Variants in PTPRT observed in about 807,000 individuals in gnomAD.
PTPRT encodes the protein protein tyrosine phosphatase receptor type T.
Under a neutral mutation model 176.8 loss-of-function variants are expected in PTPRT, and 56 were observed. The observed-to-expected ratio is 0.32, with a 90% confidence interval of 0.26 to 0.40. PTPRT has a LOEUF of 0.40. PTPRT is among the 10% of genes least tolerant of loss of function. The probability of loss-of-function intolerance (pLI) is 1.00; values close to 1 mark genes in which losing one functional copy is unlikely to be tolerated. For synonymous variants in PTPRT, 783 were observed against 739.0 expected (o/e 1.06, Z -0.96); for missense variants, 1,540 against 1,908.2 (o/e 0.81, Z 3.60).
chr20:42,186,292 C>T (rs1356430323), intron 16 of PTPRT, among the ~76,000 whole-genome samples: 2 of 151,884 alleles, frequency 1.3e-5, no homozygotes, highest in Non-Finnish European at 2.9e-5. Flanking sequence ...AACAAATAAG[C>T]ATGGTTGTGT....
At chr20:42,617,371 G>C (rs1332613886) in intron 7 of PTPRT, among the ~76,000 whole-genome samples, 1 of 135,926 alleles carries the variant, frequency 7.4e-6, no homozygotes, top group Non-Finnish European at 1.5e-5. Flanking sequence ...TTGCCTCAAT[G>C]TTCATCAAGG....
intron 7 of PTPRT, among the ~76,000 whole-genome samples, chr20:42,603,889 T>C (rs1281174800): frequency 2.0e-5 from 3 of 152,152 alleles, no homozygotes; most frequent in African/African-American, 4.8e-5. Flanking sequence ...TCCATGCATA[T>C]CCAGCTCTTC....
intron 13 of PTPRT, among the ~76,000 whole-genome samples, chr20:42,252,934 C>T (rs952525039): frequency 2.0e-5 from 3 of 152,196 alleles, no homozygotes; most frequent in Non-Finnish European, 2.9e-5. Context: ...GATACAGGAA[C>T]GTGAACATTC....
chr20:42,368,307 C>A (rs2058542393), intron 9 of PTPRT, among the ~76,000 whole-genome samples: 1 of 152,180 alleles, frequency 6.6e-6, no homozygotes, highest in Non-Finnish European at 1.5e-5. Flanking sequence ...CCATCCCAAG[C>A]TAAATCTCAG....
chr20:42,931,645 G>A (rs1979854600), intron 1 of PTPRT, among the ~76,000 whole-genome samples: 1 of 152,216 alleles, frequency 6.6e-6, no homozygotes, highest in African/African-American at 2.4e-5. Context: ...GGAGACAAGA[G>A]AGGGAGCGGG....
At chr20:42,997,084 T>G (rs933129344) in intron 1 of PTPRT, among the ~76,000 whole-genome samples, 38 of 152,176 alleles carry the variant, frequency 2.5e-4, no homozygotes, top group African/African-American at 9.2e-4. Context: ...GCTTCCATTT[T>G]CTCATCTGTG....
intron 7 of PTPRT, among the ~76,000 whole-genome samples, chr20:42,526,270 G>A (rs991469525): frequency 6.6e-6 from 1 of 152,102 alleles, no homozygotes; most frequent in African/African-American, 2.4e-5. Flanking sequence ...CACCACATAT[G>A]TGTATGTTAG....
intron 6 of PTPRT, among the ~76,000 whole-genome samples, chr20:42,745,245 A>G (rs1018229437): frequency 6.6e-6 from 1 of 152,194 alleles, no homozygotes; most frequent in African/African-American, 2.4e-5. Context: ...CCATCCATAC[A>G]GCTCCATTGG....
chr20:42,793,394 C>T (rs2425539), intron 2 of PTPRT, among the ~76,000 whole-genome samples: 12,000 of 152,218 alleles, frequency 0.079, 601 homozygotes, highest in East Asian at 0.15. Flanking sequence ...TCCATGTGTA[C>T]GCATTATTTA....
chr20:42,102,044 G>A (rs1985990470), intron 26 of PTPRT, 80 bp downstream of exon 26: 1 of 1,525,374 alleles, frequency 6.6e-7, no homozygotes, highest in Non-Finnish European at 9.0e-7. Flanking sequence ...TCAGGGCCCT[G>A]AGGTCCAGCC....
At chr20:42,637,343 C>T (rs956756856) in intron 7 of PTPRT, among the ~76,000 whole-genome samples, 4 of 152,084 alleles carry the variant, frequency 2.6e-5, no homozygotes, top group African/African-American at 9.7e-5. Context: ...TGGGCCTTAA[C>T]AATCTTTCTG....
chr20:42,274,536 AGTGT>A (rs529883269), intron 13 of PTPRT, among the ~76,000 whole-genome samples: 17,222 of 112,980 alleles, frequency 0.15, 1,086 homozygotes, highest in South Asian at 0.21. Flanking sequence ...GGCCCTGTAC[AGTGT>A]GTGTGTGTGT....
intron 1 of PTPRT, among the ~76,000 whole-genome samples, chr20:43,024,202 T>C (rs1187686745): frequency 1.3e-5 from 2 of 152,162 alleles, no homozygotes; most frequent in Non-Finnish European, 2.9e-5. Context: ...AATGGAGCAA[T>C]ACTAGTGCCC....
intron 8 of PTPRT, among the ~76,000 whole-genome samples, chr20:42,467,998 G>A (rs769056586): frequency 5.3e-5 from 8 of 152,146 alleles, no homozygotes; most frequent in Non-Finnish European, 8.8e-5. Context: ...AGGTGCAAGC[G>A]AACTGTGGTT....
At chr20:42,305,030 C>T (rs2057523485) in intron 12 of PTPRT, among the ~76,000 whole-genome samples, 1 of 152,126 alleles carries the variant, frequency 6.6e-6, no homozygotes. Context: ...CTCTTTATTC[C>T]ACTATAAGAT....
intron 13 of PTPRT, among the ~76,000 whole-genome samples, chr20:42,255,927 G>A (rs1466202320): frequency 6.6e-6 from 1 of 152,144 alleles, no homozygotes; most frequent in South Asian, 2.1e-4. Context: ...AGCTATCCAA[G>A]GGCATATTAT....
chr20:42,432,178 C>T (rs182146686), intron 9 of PTPRT, among the ~76,000 whole-genome samples: 10 of 152,322 alleles, frequency 6.6e-5, no homozygotes, highest in African/African-American at 1.4e-4. Flanking sequence ...CCTAGATAAT[C>T]GCAGTCTAAG....
At chr20:43,170,597 T>G (rs1350493927) in intron 1 of PTPRT, among the ~76,000 whole-genome samples, 1 of 152,184 alleles carries the variant, frequency 6.6e-6, no homozygotes, top group Admixed American at 6.5e-5. Flanking sequence ...CAAAAGGTAA[T>G]AATATTATAA....
chr20:42,603,116 G>T (rs576995357), intron 7 of PTPRT, among the ~76,000 whole-genome samples: 1 of 152,192 alleles, frequency 6.6e-6, no homozygotes, highest in South Asian at 2.1e-4. Context: ...TTCTCACGGA[G>T]CTTACAGTCT....
Sources: allele counts gnomAD v4.1 joint callset (sites outside exome capture counted in the v4.1 genomes callset), GRCh38; gene constraint gnomAD v4.1.1; transcripts MANE v1.5; gene names NCBI Gene and HGNC (gene_info 2026-07-23, HGNC 2026-07-21).